The following SDK1 variants were observed in gnomAD, a reference collection of about 807,000 sequenced individuals.
SDK1 encodes the protein protein sidekick-1.
Under a neutral mutation model 245.5 loss-of-function variants are expected in SDK1, and 157 were observed. The observed-to-expected ratio is 0.64, with a 90% CI of 0.56 to 0.73. The LOEUF (loss-of-function observed/expected upper bound fraction) is 0.73, where lower values mean the gene tolerates loss of function less well. Among genes scored for constraint, SDK1 ranks in the 30% least tolerant of loss-of-function variants. SDK1 has a pLI of 0.00. For missense variants in SDK1, 3,583 were observed against 3,002.3 expected (o/e 1.19, Z -4.52); for synonymous variants, 1,647 against 1,278.5 (o/e 1.29, Z -6.15).
intron 22 of SDK1, among the ~76,000 whole-genome samples, chr7:4,108,242 G>T (rs1783078913): frequency 1.3e-5 from 2 of 152,170 alleles, no homozygotes; most frequent in South Asian, 4.1e-4. Flanking sequence ...GGGGGATAGG[G>T]AGGCCTCAGT....
intron 4 of SDK1, among the ~76,000 whole-genome samples, chr7:3,653,705 G>A (rs573674868): frequency 6.6e-6 from 1 of 152,218 alleles, no homozygotes; most frequent in Admixed American, 6.5e-5. Context: ...GAGGAGAAAC[G>A]GGTTGGGAGT....
At chr7:3,427,184 T>C (rs1441579395) in intron 1 of SDK1, among the ~76,000 whole-genome samples, 3 of 152,152 alleles carry the variant, frequency 2.0e-5, no homozygotes, top group Admixed American at 2.0e-4. Flanking sequence ...GTGATAAATA[T>C]GTATGGAAAT....
At chr7:3,391,727 G>C (rs1781761531) in intron 1 of SDK1, among the ~76,000 whole-genome samples, 2 of 146,026 alleles carry the variant, frequency 1.4e-5, no homozygotes, top group African/African-American at 2.5e-5. Flanking sequence ...ACCTCCGCTT[G>C]CCAGGTTTAA....
intron 14 of SDK1, among the ~76,000 whole-genome samples, chr7:4,003,892 GCATT>G (rs1785262756): frequency 6.6e-6 from 1 of 152,228 alleles, no homozygotes; most frequent in African/African-American, 2.4e-5. Flanking sequence ...GCCCTCGCGG[GCATT>G]GCTCCAAGAC....
At chr7:3,941,033 C>T (rs1780347710) in intron 5 of SDK1, among the ~76,000 whole-genome samples, 1 of 151,948 alleles carries the variant, frequency 6.6e-6, no homozygotes, top group Non-Finnish European at 1.5e-5. Context: ...CTTCTCCCTC[C>T]TGACCCACCA....
chr7:3,476,942 G>A (rs1372391120), intron 1 of SDK1, among the ~76,000 whole-genome samples: 2 of 152,164 alleles, frequency 1.3e-5, no homozygotes, highest in Non-Finnish European at 2.9e-5. Flanking sequence ...GCAGGCCTAA[G>A]GACGGAGACT....
chr7:3,887,338 C>T (rs1208615466), intron 5 of SDK1, among the ~76,000 whole-genome samples: 1 of 152,194 alleles, frequency 6.6e-6, no homozygotes, highest in African/African-American at 2.4e-5. Context: ...ATGGCCCCAA[C>T]TAATTACATG....
At chr7:3,859,613 AACAG>A (rs1411042324) in intron 5 of SDK1, among the ~76,000 whole-genome samples, 2 of 152,144 alleles carry the variant, frequency 1.3e-5, no homozygotes, top group African/African-American at 2.4e-5. Flanking sequence ...TTACATTATC[AACAG>A]ACAAAGAAAG....
chr7:4,246,457 A>C (rs1189554274), intron 44 of SDK1, among the ~76,000 whole-genome samples: 3 of 152,102 alleles, frequency 2.0e-5, no homozygotes, highest in Non-Finnish European at 2.9e-5. Context: ...TGCCATAAAA[A>C]TTGGTGGTCT....
At chr7:4,206,146 G>A in intron 36 of SDK1, 152 bp downstream of exon 36, 1 of 596,386 alleles carries the variant, frequency 1.7e-6, no homozygotes, top group South Asian at 2.0e-5. Context: ...GACCTGGCCT[G>A]TTAACTGTGG....
At chr7:3,642,232 T>G in intron 4 of SDK1, 127 bp downstream of exon 4, 1 of 774,532 alleles carries the variant, frequency 1.3e-6, no homozygotes, top group Non-Finnish European at 2.0e-6. Context: ...CTAGGAGTCC[T>G]ATCCTAATTT....
intron 1 of SDK1, among the ~76,000 whole-genome samples, chr7:3,585,369 G>T (rs1270592943): frequency 6.6e-6 from 1 of 152,286 alleles, no homozygotes; most frequent in African/African-American, 2.4e-5. Flanking sequence ...CTAGAGTAAT[G>T]GATTTAAGAG....
intron 1 of SDK1, among the ~76,000 whole-genome samples, chr7:3,490,963 A>G (rs561404100): frequency 2.0e-5 from 3 of 152,320 alleles, no homozygotes; most frequent in Admixed American, 6.5e-5. Context: ...ATTCATCCCA[A>G]TTGCAATGGT....
At chr7:3,704,167 T>C (rs981304532) in intron 4 of SDK1, among the ~76,000 whole-genome samples, 5 of 152,196 alleles carry the variant, frequency 3.3e-5, no homozygotes, top group African/African-American at 1.2e-4. Context: ...CTGAGTTACT[T>C]CACTTGGAAT....
intron 22 of SDK1, among the ~76,000 whole-genome samples, chr7:4,102,763 C>G (rs181626626): frequency 1.3e-5 from 2 of 152,216 alleles, no homozygotes; most frequent in East Asian, 3.9e-4. Flanking sequence ...TGGCGCCAAA[C>G]CCCGGCCAGA....
At position 4,077,035 on chromosome 7, in the gene SDK1, C is replaced by T. The variant is rs953932436; in HGVS notation, c.3048C>T (p.Asp1016=). 8 of 1,614,062 alleles carry T rather than the reference C, an allele frequency of 5.0e-6. No individual in the cohort carries two copies. The highest frequency in any genetic ancestry group is 1.3e-5 in the African/African-American group (1 of 74,940). The change falls in exon 21 of 45, where the codon GAC becomes GAT. Residue 1016 remains aspartate (D), a synonymous_variant. Coordinates refer to ENST00000404826, the MANE Select transcript of SDK1 (RefSeq NM_152744.4). ...CTTGGGAAGTGTACGGCAGGAACGA[C>T]TCTCGTCTCACGCACACCCTGAACA... ...QISWEVYGRN[D]SRLTHTLNST... is the part of the protein sequence containing the mutation.
intron 32 of SDK1, among the ~76,000 whole-genome samples, chr7:4,172,582 G>A (rs1041838349): frequency 2.0e-5 from 3 of 152,188 alleles, no homozygotes; most frequent in African/African-American, 4.8e-5. Flanking sequence ...TTGCAAGGAT[G>A]TGTTATTTAC....
intron 35 of SDK1, among the ~76,000 whole-genome samples, chr7:4,180,232 T>C (rs1782514322): frequency 6.7e-6 from 1 of 149,752 alleles, no homozygotes; most frequent in Non-Finnish European, 1.5e-5. Flanking sequence ...AGCGCCCAGC[T>C]CCAGCTCTAT....
intron 5 of SDK1, among the ~76,000 whole-genome samples, chr7:3,940,107 T>A (rs1321060272): frequency 6.7e-6 from 1 of 149,592 alleles, no homozygotes; most frequent in African/African-American, 2.5e-5. Flanking sequence ...AACTTCTCAT[T>A]GTCAGAAAGC....
Sources: allele counts gnomAD v4.1 joint callset (sites outside exome capture counted in the v4.1 genomes callset), GRCh38; gene constraint gnomAD v4.1.1; transcripts MANE v1.5; gene names NCBI Gene and HGNC (gene_info 2026-07-23, HGNC 2026-07-21).